The following PLD5 variants were observed in gnomAD, a reference collection of about 807,000 sequenced individuals.
The protein encoded by PLD5 is inactive phospholipase D5.
PLD5 carries 36 observed loss-of-function variants against 61.1 expected under a neutral mutation model. The observed-to-expected ratio is 0.59, with a 90% CI of 0.45 to 0.78. PLD5 has a LOEUF of 0.78. PLD5 is among the 30% of genes least tolerant of loss of function. PLD5 has a pLI of 0.00. For missense variants in PLD5, 515 were observed against 644.4 expected (o/e 0.80, Z 2.17); for synonymous variants, 243 against 242.8 (o/e 1.00, Z -0.01).
chr1:242,288,864 C>T (rs1456066007), intron 2 of PLD5, among the ~76,000 whole-genome samples: 3 of 152,214 alleles, frequency 2.0e-5, no homozygotes, highest in Admixed American at 6.5e-5. Context: ...TAATATATTC[C>T]TTTATTTTTC....
At chr1:242,163,254 C>T (rs1310066439) in intron 5 of PLD5, among the ~76,000 whole-genome samples, 1 of 149,188 alleles carries the variant, frequency 6.7e-6, no homozygotes, top group Non-Finnish European at 1.5e-5. Flanking sequence ...TGCCATTCTC[C>T]TGCCTCAGCC....
chr1:242,107,510 T>TA (rs1282111628), intron 8 of PLD5, among the ~76,000 whole-genome samples, 161 bp downstream of exon 8: 30 of 152,354 alleles, frequency 2.0e-4, no homozygotes, highest in African/African-American at 7.2e-4. Flanking sequence ...TACTCTTTTT[T>TA]TCGTATGTGA....
At chr1:242,308,011 A>T (rs1342290470) in intron 2 of PLD5, among the ~76,000 whole-genome samples, 1 of 152,228 alleles carries the variant, frequency 6.6e-6, no homozygotes, top group Admixed American at 6.5e-5. Context: ...AACAGTTACT[A>T]GGTATTATAG....
chr1:242,527,604 T>A (rs958669189), upstream of PLD5, among the ~76,000 whole-genome samples: 12 of 152,236 alleles, frequency 7.9e-5, no homozygotes, highest in South Asian at 2.1e-4. Context: ...CCAGACTCAA[T>A]GAACCCAACA....
rs1672989783 is a variant in PLD5 at position 242,256,003 on chromosome 1, C to T, written c.607+9334G>A. Among the ~76,000 whole-genome samples, 1 of 152,228 alleles carries T rather than the reference C, an allele frequency of 6.6e-6. No individual in the cohort carries two copies. The highest frequency in any genetic ancestry group is 1.5e-5 in the Non-Finnish European group (1 of 68,050). On this transcript the variant is annotated intron_variant, in intron 4 of 9. Coordinates refer to ENST00000536534, the MANE Select transcript of PLD5 (RefSeq NM_001372062.1). The surrounding 1 kb of genome is among the most constrained non-coding windows in gnomAD (Gnocchi z 5.7). ...TCGTAACCCAAATGACCTAAAGATG[C>T]CCAGCCAGGGCTTATTAGGTCCCTG...
chr1:242,255,876 G>A (rs1329789456), intron 4 of PLD5, among the ~76,000 whole-genome samples: 1 of 152,180 alleles, frequency 6.6e-6, no homozygotes, highest in Non-Finnish European at 1.5e-5. Flanking sequence ...GAGTGACAGA[G>A]ATTTAGTCTT....
intron 1 of PLD5, among the ~76,000 whole-genome samples, chr1:242,361,219 A>G (rs957121488): frequency 2.0e-5 from 3 of 152,118 alleles, no homozygotes; most frequent in Admixed American, 6.5e-5. Flanking sequence ...TTAGCTAGTT[A>G]TTTCCATTTT....
chr1:242,498,834 T>A (rs1254678423), intron 1 of PLD5, among the ~76,000 whole-genome samples: 2 of 152,234 alleles, frequency 1.3e-5, no homozygotes, highest in African/African-American at 4.8e-5. Context: ...GAAGAGATGT[T>A]AGTAAATATT....
intron 4 of PLD5, among the ~76,000 whole-genome samples, chr1:242,252,851 C>T (rs184142556): frequency 2.2e-4 from 29 of 133,930 alleles, no homozygotes; most frequent in African/African-American, 8.2e-4. Context: ...GACTCTCACT[C>T]TGTCACTCAG....
At chr1:242,411,502 T>C (rs772246324) in intron 1 of PLD5, among the ~76,000 whole-genome samples, 2 of 152,212 alleles carry the variant, frequency 1.3e-5, no homozygotes, top group Non-Finnish European at 1.5e-5. Context: ...CCCAAAATGC[T>C]GGGATTACAG....
chr1:242,107,769 G>A lies in PLD5; in HGVS notation c.1141C>T (p.Leu381Phe). The A allele has an allele frequency of 6.2e-7, 1 of 1,612,886 alleles. No individual in the cohort carries two copies. Among genetic ancestry groups the A allele is most frequent in the Non-Finnish European group, 8.5e-7 (1 of 1,179,708 alleles). Residue 381 changes from leucine (L) to phenylalanine (F), a missense_variant, in exon 8 of 10, where the codon CTT (leucine) becomes TTT (phenylalanine). This residue lies in a region of PLD5 where 450 missense variants were observed against 598.1 expected (regional missense o/e 0.75). Coordinates refer to ENST00000536534, the MANE Select transcript of PLD5 (RefSeq NM_001372062.1). ...LVLRSVRVRL[L>F]LSFWKETDPL... ...TCAGTTTCCTTCCAGAAGCTTAAAA[G>A]GAGTCGAACTCTAACGCTTCGTAAA... is the stretch of plus-strand genomic sequence containing the variant.
At chr1:242,428,979 A>T (rs1665574783) in intron 1 of PLD5, among the ~76,000 whole-genome samples, 1 of 152,182 alleles carries the variant, frequency 6.6e-6, no homozygotes, top group Non-Finnish European at 1.5e-5. Flanking sequence ...TCAGGCACAG[A>T]CCGTCCATCT....
chr1:242,269,105 A>C (rs1192814723), intron 3 of PLD5, among the ~76,000 whole-genome samples: 1 of 152,098 alleles, frequency 6.6e-6, no homozygotes, highest in African/African-American at 2.4e-5. Context: ...GGCCTCCCAA[A>C]GTTCTGGGAT....
intron 1 of PLD5, among the ~76,000 whole-genome samples, chr1:242,381,023 T>G (rs539900853): frequency 1.3e-5 from 2 of 152,300 alleles, no homozygotes; most frequent in African/African-American, 4.8e-5. Flanking sequence ...AGAAATACCA[T>G]TTGACCCAGC....
intron 1 of PLD5, among the ~76,000 whole-genome samples, chr1:242,388,979 AAT>A (rs1241815518): frequency 6.6e-6 from 1 of 151,786 alleles, no homozygotes; most frequent in South Asian, 2.1e-4. Flanking sequence ...ACAAAATAAA[AAT>A]AGTTAAATCA....
In PLD5 at chr1:242,253,457, G is replaced by T. The variant is rs537672306; in HGVS notation, c.607+11880C>A. On this transcript the variant is annotated intron_variant, in intron 4 of 9. Coordinates refer to ENST00000536534, the MANE Select transcript of PLD5 (RefSeq NM_001372062.1). ...GCCTCCCAAGTAGCTGAGACTACAG[G>T]TGCCTGCCACCACGCCCGGCTAATT... 2.0e-5 allele frequency among the ~76,000 whole-genome samples: 3 copies of T among 151,864 alleles called. No individual in the cohort carries two copies. The South Asian group carries it at 6.3e-4, about 32-fold the overall frequency.
At chr1:242,240,218 T>C (rs1160903049) in intron 4 of PLD5, among the ~76,000 whole-genome samples, 7 of 152,222 alleles carry the variant, frequency 4.6e-5, no homozygotes, top group Non-Finnish European at 8.8e-5. Context: ...CAGCTCCATT[T>C]ACTCCCCAGA....
intron 4 of PLD5, among the ~76,000 whole-genome samples, chr1:242,264,811 G>A (rs1401193008): frequency 6.6e-6 from 1 of 152,142 alleles, no homozygotes; most frequent in Non-Finnish European, 1.5e-5. Flanking sequence ...AGTTATTTTG[G>A]AATTATCTTC....
chr1:242,250,886 A>T (rs1224205362), intron 4 of PLD5, among the ~76,000 whole-genome samples: 1 of 152,118 alleles, frequency 6.6e-6, no homozygotes, highest in East Asian at 1.9e-4. Context: ...GGAGGGAGGG[A>T]AAAGGAGAAC....
Sources: allele counts gnomAD v4.1 joint callset (sites outside exome capture counted in the v4.1 genomes callset), GRCh38; gene constraint gnomAD v4.1.1; regional missense constraint gnomAD v4.1.1; non-coding constraint Gnocchi (gnomAD v3.1); transcripts MANE v1.5; gene names NCBI Gene and HGNC (gene_info 2026-07-23, HGNC 2026-07-21).